Variants in RELL1 observed in about 807,000 individuals in gnomAD.
RELL1 encodes the protein RELT like 1, also known as RELT-like protein 1.
RELL1 carries 10 observed loss-of-function variants against 23.0 expected under a neutral mutation model. The ratio of observed to expected loss-of-function variants is 0.43; its 90% CI spans 0.27 to 0.74. The LOEUF (loss-of-function observed/expected upper bound fraction) is 0.74, where lower values mean the gene tolerates loss of function less well. Ranked by LOEUF, RELL1 falls within the 30% of genes least tolerant of loss-of-function variation. RELL1 has a pLI of 0.19. For missense variants in RELL1, 315 were observed against 364.4 expected (o/e 0.86, Z 1.10); for synonymous variants, 146 against 146.8 (o/e 0.99, Z 0.04).
chr4:37,673,190 T>TTTTTTC (rs1721899924), intron 1 of RELL1, among the ~76,000 whole-genome samples: 5 of 104,164 alleles, frequency 4.8e-5, no homozygotes, highest in African/African-American at 7.1e-5. Context: ...TTTTTTCTTT[T>TTTTTTC]TTTTTTTTTT....
intron 1 of RELL1, among the ~76,000 whole-genome samples, chr4:37,669,408 TGG>T (rs1156435596): frequency 1.0e-5 from 1 of 99,840 alleles, no homozygotes; most frequent in Non-Finnish European, 2.1e-5. Flanking sequence ...GGGAGGGAGG[TGG>T]GGGGGTCAGC....
At chr4:37,594,963 T>C (rs1390160850) in intron 6 of RELL1, among the ~76,000 whole-genome samples, 1 of 152,258 alleles carries the variant, frequency 6.6e-6, no homozygotes, top group Non-Finnish European at 1.5e-5. Flanking sequence ...CCTCCTTTCC[T>C]GGACTTGGAC....
In RELL1 at chr4:37,679,939, G is replaced by C. The variant is rs376258109; in HGVS notation, c.88+6261C>G. Reference sequence around the variant, plus strand: ...TGCACTCCAGCCTGGGAGACAGAGAGAGACTCCATCTCAAAAAAAAAATTA... The same window carrying C: ...TGCACTCCAGCCTGGGAGACAGAGACAGACTCCATCTCAAAAAAAAAATTA... On this transcript the variant is annotated intron_variant, in intron 1 of 6. Transcript: ENST00000454158. Among the ~76,000 whole-genome samples, 58 of 152,148 alleles carry C rather than the reference G, an allele frequency of 3.8e-4. No individual in the cohort carries two copies. The South Asian group carries it at 4.6e-3, about 12-fold the overall frequency.
intron 6 of RELL1, among the ~76,000 whole-genome samples, chr4:37,614,134 A>T (rs1560329416): frequency 6.6e-6 from 1 of 152,250 alleles, no homozygotes; most frequent in African/African-American, 2.4e-5. Context: ...ATGAAGAAAT[A>T]GCATGAAGTT....
intron 1 of RELL1, among the ~76,000 whole-genome samples, chr4:37,671,152 G>A (rs940177365): frequency 5.3e-5 from 8 of 152,168 alleles, no homozygotes; most frequent in Admixed American, 1.3e-4. Context: ...GATGCCAGCC[G>A]CAAATGGGGT....
chr4:37,682,344 G>A (rs140611372), intron 1 of RELL1, among the ~76,000 whole-genome samples: 88 of 152,284 alleles, frequency 5.8e-4, no homozygotes, highest in African/African-American at 1.9e-3. Context: ...TTAAGTGTCC[G>A]AAATTATTAG....
chr4:37,664,087 C>T (rs939459477), intron 1 of RELL1, among the ~76,000 whole-genome samples: 1 of 152,048 alleles, frequency 6.6e-6, no homozygotes, highest in East Asian at 1.9e-4. Context: ...CTGCAAAAAA[C>T]AAAAGATCGA....
At chr4:37,595,163 T>G (rs114857147) in intron 6 of RELL1, among the ~76,000 whole-genome samples, 1,933 of 152,328 alleles carry the variant, frequency 0.013, 42 homozygotes, top group African/African-American at 0.043. Context: ...GTAAATCCTT[T>G]CCCTGTTAAC....
At chr4:37,664,060 C>A (rs1721446897) in intron 1 of RELL1, among the ~76,000 whole-genome samples, 1 of 152,098 alleles carries the variant, frequency 6.6e-6, no homozygotes, top group African/African-American at 2.4e-5. Context: ...CACAAAATTT[C>A]CCAATATTAA....
intron 6 of RELL1, among the ~76,000 whole-genome samples, chr4:37,629,592 T>C (rs1057095559): frequency 6.6e-6 from 1 of 152,186 alleles, no homozygotes; most frequent in Non-Finnish European, 1.5e-5. Flanking sequence ...TAGACTTTTC[T>C]GTACTGTTTC....
At chr4:37,644,438 T>TTTTATTTTTATTTA (rs1720633814) in intron 3 of RELL1, among the ~76,000 whole-genome samples, 2 of 137,810 alleles carry the variant, frequency 1.5e-5, no homozygotes, top group African/African-American at 5.4e-5. Context: ...TTATTTTTAT[T>TTTTATTTTTATTTA]TTTATTTATT....
chr4:37,590,920 G>A, exon 7 of RELL1: 1 of 1,614,246 alleles, frequency 6.2e-7, no homozygotes, highest in Non-Finnish European at 8.5e-7. Context: ...GGAGATTGTG[G>A]ACGAGGATGC....
chr4:37,648,741 A>C (rs1203914961), intron 2 of RELL1, among the ~76,000 whole-genome samples: 1 of 152,214 alleles, frequency 6.6e-6, no homozygotes, highest in Non-Finnish European at 1.5e-5. Flanking sequence ...TTCCAATCAC[A>C]AATATTTAAG....
intron 1 of RELL1, among the ~76,000 whole-genome samples, chr4:37,682,034 T>C (rs1425147359): frequency 6.6e-6 from 1 of 152,182 alleles, no homozygotes; most frequent in African/African-American, 2.4e-5. Flanking sequence ...CATGACAAAA[T>C]CCAGCTTACA....
At chr4:37,590,625 G>C (rs1404214145), downstream of RELL1, 1 of 1,614,156 alleles carries the variant, frequency 6.2e-7, no homozygotes, top group Non-Finnish European at 8.5e-7. Context: ...ATTACCTTCA[G>C]CATTGGGGCC....
intron 3 of RELL1, among the ~76,000 whole-genome samples, chr4:37,644,829 C>T (rs528588826): frequency 6.6e-6 from 1 of 152,228 alleles, no homozygotes; most frequent in Admixed American, 6.5e-5. Flanking sequence ...TATACTGTCC[C>T]TCTTTGAAAG....
intron 3 of RELL1, among the ~76,000 whole-genome samples, chr4:37,642,039 G>A (rs998305925): frequency 6.6e-6 from 1 of 152,160 alleles, no homozygotes; most frequent in Non-Finnish European, 1.5e-5. Context: ...CAGGGTGGGT[G>A]CTTTTAACCC....
In RELL1 at chr4:37,655,816, G is replaced by A. The variant is rs991217045; in HGVS notation, c.89-6316C>T. On this transcript the variant is annotated intron_variant, in intron 1 of 6. Transcript: ENST00000454158. The stretch of plus-strand genomic sequence containing the variant: ...CTGAGGAAGAACAGCCAGAGCTCCA[G>A]TCTAGGACAGAAAGGAATGAGTTTC... Among the ~76,000 whole-genome samples the A allele has an allele frequency of 3.9e-5, 6 of 152,244 alleles. No homozygotes were observed. In the East Asian group the frequency reaches 1.2e-3, roughly 29 times the overall value.
chr4:37,635,386 G>T (rs1443849770), intron 4 of RELL1, among the ~76,000 whole-genome samples: 1 of 152,152 alleles, frequency 6.6e-6, no homozygotes, highest in Non-Finnish European at 1.5e-5. Context: ...AGCATTTTGA[G>T]AGGCCAAAGT....
Sources: gnomAD v4.1 joint callset for allele counts (sites outside exome capture counted in the v4.1 genomes callset) on GRCh38, gnomAD v4.1.1 for gene constraint, MANE v1.5 for transcripts, NCBI Gene and HGNC (gene_info 2026-07-23, HGNC 2026-07-21) for gene names.